SHANK2: variants seen among roughly 807,000 people sequenced by gnomAD.
SHANK2 encodes SH3 and multiple ankyrin repeat domains 2.
Under a neutral mutation model 133.7 loss-of-function variants are expected in SHANK2, and 43 were observed. That is an observed-to-expected ratio of 0.32 (90% CI 0.25 to 0.41). The LOEUF (loss-of-function observed/expected upper bound fraction) is 0.41. SHANK2 is among the 10% of genes least tolerant of loss of function. The pLI is 1.00. For synonymous variants in SHANK2, 1,017 were observed against 952.8 expected, an observed-to-expected ratio of 1.07 and a Z score of -1.24; for missense variants, 1,994 against 2,235.8, an observed-to-expected ratio of 0.89 and a Z score of 2.18.
chr11:70,951,857 G>A (rs1035410960), intron 10 of SHANK2, among the ~76,000 whole-genome samples: 3 of 152,092 alleles, frequency 2.0e-5, no homozygotes, highest in African/African-American at 7.2e-5. Context: ...CTCCAATCTT[G>A]GCCTCCATCT....
chr11:70,820,187 C>G (rs372653411), intron 12 of SHANK2, among the ~76,000 whole-genome samples, 177 bp downstream of exon 12: 1 of 152,252 alleles, frequency 6.6e-6, no homozygotes, highest in South Asian at 2.1e-4. Flanking sequence ...CCCAGCCCCC[C>G]AAGGGGAGAC....
At chr11:70,598,220 T>A (rs1167052541) in intron 17 of SHANK2, among the ~76,000 whole-genome samples, 3 of 151,898 alleles carry the variant, frequency 2.0e-5, no homozygotes, top group Non-Finnish European at 4.4e-5. Context: ...AGGTCATTTG[T>A]CGAATGACCT....
chr11:71,221,012 C>A (rs1954525576), intron 2 of SHANK2, among the ~76,000 whole-genome samples: 1 of 152,024 alleles, frequency 6.6e-6, no homozygotes, highest in Non-Finnish European at 1.5e-5. Flanking sequence ...ACCAGCCTGG[C>A]CAACATGGTG....
intron 2 of SHANK2, among the ~76,000 whole-genome samples, chr11:71,156,754 G>A (rs1431552769): frequency 1.3e-5 from 2 of 152,198 alleles, no homozygotes; most frequent in African/African-American, 2.4e-5. Flanking sequence ...TTATATGGCA[G>A]TGTCTCAGAG....
intron 8 of SHANK2, among the ~76,000 whole-genome samples, chr11:71,077,842 T>C (rs1050956234): frequency 6.6e-6 from 1 of 152,038 alleles, no homozygotes; most frequent in Admixed American, 6.6e-5. Flanking sequence ...AAGTTACAAA[T>C]ACAGTACAGG....
chr11:71,141,594 C>A (rs1952555481), intron 3 of SHANK2, among the ~76,000 whole-genome samples: 1 of 152,198 alleles, frequency 6.6e-6, no homozygotes, highest in Non-Finnish European at 1.5e-5. Flanking sequence ...CCATGTGGAA[C>A]TGTGAGTCTA....
At chr11:70,558,785 G>A (rs898121781) in intron 17 of SHANK2, among the ~76,000 whole-genome samples, 8 of 152,268 alleles carry the variant, frequency 5.3e-5, no homozygotes, top group African/African-American at 4.8e-5. Context: ...GGCCCAGAGC[G>A]CAGGGATGAG....
At chr11:70,608,876 C>T (rs1003277641) in intron 17 of SHANK2, among the ~76,000 whole-genome samples, 4 of 152,218 alleles carry the variant, frequency 2.6e-5, no homozygotes, top group Non-Finnish European at 5.9e-5. Flanking sequence ...CAACACAGTC[C>T]CCAGGAACTC....
intron 2 of SHANK2, among the ~76,000 whole-genome samples, chr11:71,223,002 A>G (rs1555121558): frequency 6.6e-6 from 1 of 152,208 alleles, no homozygotes; most frequent in African/African-American, 2.4e-5. Context: ...CCATCCCTCC[A>G]TCTGGGAGGA....
intron 14 of SHANK2, among the ~76,000 whole-genome samples, chr11:70,735,658 C>A (rs910431117): frequency 1.3e-5 from 2 of 149,132 alleles, no homozygotes; most frequent in Middle Eastern, 3.5e-3. Flanking sequence ...GAGCTGAGAT[C>A]GTGCCATTGC....
intron 17 of SHANK2, among the ~76,000 whole-genome samples, chr11:70,548,926 T>C (rs2059729853): frequency 6.6e-6 from 1 of 151,690 alleles, no homozygotes; most frequent in African/African-American, 2.4e-5. Flanking sequence ...GTGCTAGGGG[T>C]TGCCAGCAGC....
intron 17 of SHANK2, among the ~76,000 whole-genome samples, chr11:70,533,243 C>T (rs2059500721): frequency 1.3e-5 from 2 of 152,162 alleles, no homozygotes; most frequent in Non-Finnish European, 2.9e-5. Flanking sequence ...TGTATTTTTA[C>T]ATTTTACATT....
At chr11:70,550,968 G>A (rs1591568801) in intron 17 of SHANK2, among the ~76,000 whole-genome samples, 2 of 152,172 alleles carry the variant, frequency 1.3e-5, no homozygotes, top group Non-Finnish European at 2.9e-5. Flanking sequence ...CGCTGCAGTG[G>A]TAAACGCTCT....
In SHANK2 at chr11:70,473,711, G is replaced by T; in HGVS notation, c.4980-272C>A. On this transcript the variant is annotated intron_variant, in intron 25 of 25. Transcript: ENST00000601538. This position sits in a 1 kb window ranked among gnomAD's most constrained non-coding sequence, Gnocchi z 5.9. ...CTGGGGGACCTGCCTGTGCTGGGGGGAGCACACCACGTCAGCCCACTCACC... is the reference window on the plus strand; with the variant it reads ...CTGGGGGACCTGCCTGTGCTGGGGGTAGCACACCACGTCAGCCCACTCACC... 1 of 543,744 alleles carries T rather than the reference G, an allele frequency of 1.8e-6. No individual in the cohort carries two copies. Among genetic ancestry groups the T allele is most frequent in the Non-Finnish European group, 3.4e-6 (1 of 293,704 alleles). 33.7% of individuals were successfully genotyped at this position (543,744 alleles called of 1,614,324 possible).
At chr11:71,230,098 G>C (rs950530870) in intron 1 of SHANK2, among the ~76,000 whole-genome samples, 10 of 152,166 alleles carry the variant, frequency 6.6e-5, no homozygotes, top group African/African-American at 2.4e-4. Flanking sequence ...GACTAGCCTG[G>C]CCCAACGTGG....
At chr11:71,096,371 A>G (rs1261121045) in intron 6 of SHANK2, among the ~76,000 whole-genome samples, 3 of 152,220 alleles carry the variant, frequency 2.0e-5, no homozygotes, top group Non-Finnish European at 1.5e-5. Flanking sequence ...CCAGAGTTCC[A>G]CATGTGCACA....
intron 9 of SHANK2, among the ~76,000 whole-genome samples, chr11:71,074,066 T>C (rs1200675046): frequency 2.0e-5 from 3 of 152,154 alleles, no homozygotes; most frequent in Admixed American, 2.0e-4. Context: ...TGGCACCAGC[T>C]GTGGGAGTGG....
intron 21 of SHANK2, among the ~76,000 whole-genome samples, chr11:70,495,658 C>T (rs549323982): frequency 6.6e-6 from 1 of 152,318 alleles, no homozygotes; most frequent in South Asian, 2.1e-4. Flanking sequence ...CCTGACAGTG[C>T]TGGCCCGGGC....
chr11:70,756,367 C>A (rs907120938), intron 14 of SHANK2, among the ~76,000 whole-genome samples: 12 of 152,220 alleles, frequency 7.9e-5, no homozygotes, highest in Non-Finnish European at 1.5e-4. Context: ...GGAGCACTCA[C>A]TGATCCTGGG....
Sources: allele counts gnomAD v4.1 joint callset (sites outside exome capture counted in the v4.1 genomes callset), GRCh38; gene constraint gnomAD v4.1.1; non-coding constraint Gnocchi (gnomAD v3.1); transcripts MANE v1.5; gene names NCBI Gene and HGNC (gene_info 2026-07-23, HGNC 2026-07-21).